PPP2R5E: variants seen among roughly 807,000 people sequenced by gnomAD.
PPP2R5E encodes protein phosphatase 2 regulatory subunit B'epsilon.
Under a neutral mutation model 65.3 loss-of-function variants are expected in PPP2R5E, and 4 were observed. The ratio of observed to expected loss-of-function variants is 0.06; its 90% CI spans 0.03 to 0.14. The LOEUF is 0.14. Among genes scored for constraint, PPP2R5E ranks in the 10% least tolerant of loss-of-function variants. The pLI is 1.00. For missense variants in PPP2R5E, 274 were observed against 556.1 expected (o/e 0.49, Z 5.10); for synonymous variants, 183 against 187.4 (o/e 0.98, Z 0.19).
At position 63,453,530 on chromosome 14, in the gene PPP2R5E, C is replaced by T. The variant is rs1888967580; in HGVS notation, c.354+159G>A. ...TTCGTTCTCATGAAATCATGCTCTTCAAATTCTAGCACTGTGCCGACTACA... is the reference window on the plus strand; with the variant it reads ...TTCGTTCTCATGAAATCATGCTCTTTAAATTCTAGCACTGTGCCGACTACA... On this transcript the variant is annotated intron_variant, in intron 3 of 13. Coordinates refer to ENST00000337537, the MANE Select transcript of PPP2R5E (RefSeq NM_006246.5). 2.0e-5 allele frequency: 11 copies of T among 547,298 alleles called. No homozygotes were observed. The South Asian group carries it at 4.3e-4, about 22-fold the overall frequency. The allele number at this position is 547,298 out of a possible 1,614,324, so 33.9% of individuals were successfully genotyped here.
chr14:63,389,350 A>G (rs1884871919), intron 11 of PPP2R5E, among the ~76,000 whole-genome samples: 1 of 151,996 alleles, frequency 6.6e-6, no homozygotes, highest in African/African-American at 2.4e-5. Context: ...CAGTGTTCAC[A>G]TCTGTATGTC....
intron 13 of PPP2R5E, among the ~76,000 whole-genome samples, chr14:63,381,142 T>C (rs1416435662): frequency 2.0e-5 from 3 of 152,342 alleles, no homozygotes; most frequent in Non-Finnish European, 2.9e-5. Flanking sequence ...TTTTGGAAAG[T>C]AGAATGCATT....
intron 4 of PPP2R5E, among the ~76,000 whole-genome samples, chr14:63,420,519 T>G (rs1038895506): frequency 6.6e-6 from 1 of 152,136 alleles, no homozygotes; most frequent in Admixed American, 6.5e-5. Context: ...GTCTTAGCAT[T>G]GGAGGCAGGA....
chr14:63,436,273 TAATGCTCAAACAAAAATTAA>T (rs1262697745), intron 3 of PPP2R5E, among the ~76,000 whole-genome samples: 4 of 152,234 alleles, frequency 2.6e-5, no homozygotes, highest in African/African-American at 9.6e-5. Context: ...CCAAATCAGC[TAATGCTCAAACAAAAATTAA>T]GCCTCTTGAA....
intron 2 of PPP2R5E, among the ~76,000 whole-genome samples, chr14:63,470,740 G>C (rs560090674): frequency 7.3e-6 from 1 of 137,258 alleles, no homozygotes; most frequent in Non-Finnish European, 1.5e-5. Flanking sequence ...AAAAAAAAAC[G>C]TGGCTGAGCA....
intron 4 of PPP2R5E, among the ~76,000 whole-genome samples, chr14:63,416,603 G>GAT (rs1198032361): frequency 1.3e-5 from 2 of 149,648 alleles, no homozygotes; most frequent in Admixed American, 6.7e-5. Context: ...AGATATATAT[G>GAT]ATATATATAA....
At chr14:63,435,483 A>G (rs926121918) in intron 3 of PPP2R5E, among the ~76,000 whole-genome samples, 1 of 152,164 alleles carries the variant, frequency 6.6e-6, no homozygotes, top group Non-Finnish European at 1.5e-5. Context: ...ATCCTGGGTT[A>G]TATCTGCCAG....
chr14:63,438,721 C>G (rs536363705), intron 3 of PPP2R5E, among the ~76,000 whole-genome samples: 25 of 152,270 alleles, frequency 1.6e-4, no homozygotes, highest in Non-Finnish European at 3.4e-4. Context: ...GTAAATGAAG[C>G]AAATAGCAAT....
At chr14:63,485,151 G>C (rs10148960) in intron 2 of PPP2R5E, among the ~76,000 whole-genome samples, 23,805 of 146,918 alleles carry the variant, frequency 0.16, 1,920 homozygotes, top group East Asian at 0.21. Context: ...CAGAAGTTTA[G>C]CCTGTTATCT....
intron 2 of PPP2R5E, among the ~76,000 whole-genome samples, chr14:63,520,874 A>C (rs964889778): frequency 9.7e-6 from 1 of 103,236 alleles, no homozygotes; most frequent in East Asian, 2.0e-4. Context: ...AAAAAAAAAA[A>C]AAAAAAAAAA....
chr14:63,463,925 T>A (rs1183695429), intron 2 of PPP2R5E, among the ~76,000 whole-genome samples: 1 of 152,156 alleles, frequency 6.6e-6, no homozygotes, highest in African/African-American at 2.4e-5. Context: ...AACAGAATGG[T>A]TTATATTCAA....
chr14:63,505,104 AC>A (rs1472105997), intron 2 of PPP2R5E, among the ~76,000 whole-genome samples: 3 of 152,064 alleles, frequency 2.0e-5, no homozygotes, highest in African/African-American at 7.2e-5. Context: ...GGAGGCCGAG[AC>A]AGGCGGATCA....
chr14:63,376,113 G>C lies in PPP2R5E; in HGVS notation c.1305-5C>G. ...TCCTTTTCTTTCTTTTTCTCACTGA[G>C]GAAGAAACAGAATACAATGTAAACA... On this transcript the variant is annotated splice_polypyrimidine_tract_variant and splice_region_variant and intron_variant, in intron 13 of 13. Transcript: ENST00000337537. 1.3e-6 allele frequency: 2 copies of C among 1,565,030 alleles called. No homozygotes were observed. The highest frequency in any genetic ancestry group is 1.7e-5 in the Admixed American group (1 of 59,854).
At chr14:63,458,718 T>G (rs941355244) in intron 2 of PPP2R5E, among the ~76,000 whole-genome samples, 1 of 152,218 alleles carries the variant, frequency 6.6e-6, no homozygotes, top group African/African-American at 2.4e-5. Flanking sequence ...CTATAAAATG[T>G]TCATATGTTT....
chr14:63,468,855 C>T (rs114338550), intron 2 of PPP2R5E, among the ~76,000 whole-genome samples: 3,024 of 152,164 alleles, frequency 0.02, 81 homozygotes, highest in African/African-American at 0.064. Flanking sequence ...TATTAACCTC[C>T]CACTAAAATA....
chr14:63,488,168 T>C (rs1891088253), intron 2 of PPP2R5E, among the ~76,000 whole-genome samples: 1 of 152,016 alleles, frequency 6.6e-6, no homozygotes, highest in African/African-American at 2.4e-5. Flanking sequence ...GCTTGCTACT[T>C]AGCAGGCATT....
chr14:63,525,499 G>C (rs1401032290), intron 2 of PPP2R5E, among the ~76,000 whole-genome samples: 2 of 152,226 alleles, frequency 1.3e-5, no homozygotes, highest in African/African-American at 4.8e-5. Context: ...CTTCTACAGA[G>C]AGAGATGACA....
Position 63,457,218 on chromosome 14 carries a change from A to G in PPP2R5E, c.158-3333T>C, listed in dbSNP as rs144673763. Among the ~76,000 whole-genome samples, 367 of 152,348 alleles carry G rather than the reference A, an allele frequency of 2.4e-3. 2 individuals carry two copies. The highest frequency in any genetic ancestry group is 8.4e-3 in the African/African-American group (348 of 41,594). On this transcript the variant is annotated intron_variant, in intron 2 of 13. Coordinates refer to ENST00000337537, the MANE Select transcript of PPP2R5E (RefSeq NM_006246.5). ...TGTGAGAAGGCAGGACAGGCCAGAG[A>G]TCAGAGAAGGAACAATCTCTGAGTA...
intron 2 of PPP2R5E, among the ~76,000 whole-genome samples, chr14:63,462,966 G>C (rs1889565464): frequency 6.6e-6 from 1 of 151,388 alleles, no homozygotes; most frequent in Non-Finnish European, 1.5e-5. Context: ...GCCAGGTGTG[G>C]TGGCGCATGC....
Sources: gnomAD v4.1 joint callset for allele counts (sites outside exome capture counted in the v4.1 genomes callset) on GRCh38, gnomAD v4.1.1 for gene constraint, MANE v1.5 for transcripts, NCBI Gene and HGNC (gene_info 2026-07-23, HGNC 2026-07-21) for gene names.